SPOCK1: variants seen among roughly 807,000 people sequenced by gnomAD.
SPOCK1 encodes SPARC (osteonectin), cwcv and kazal like domains proteoglycan 1.
In SPOCK1, 23 loss-of-function variants were observed where a neutral mutation model predicts 55.3. The observed-to-expected ratio is 0.42, with a 90% CI of 0.30 to 0.59. SPOCK1 has a LOEUF of 0.59. SPOCK1 is among the 20% of genes least tolerant of loss of function. The pLI is 0.22. For synonymous variants in SPOCK1, 226 were observed against 221.0 expected (o/e 1.02, Z -0.20); for missense variants, 499 against 552.5 (o/e 0.90, Z 0.97).
chr5:137,381,635 C>T (rs1751468560), intron 2 of SPOCK1, among the ~76,000 whole-genome samples: 1 of 152,218 alleles, frequency 6.6e-6, no homozygotes, highest in Non-Finnish European at 1.5e-5. Context: ...CTGAGCTGTA[C>T]CTTGGTCCCT....
chr5:137,256,754 C>T (rs925604058), intron 3 of SPOCK1, among the ~76,000 whole-genome samples: 3 of 152,140 alleles, frequency 2.0e-5, no homozygotes, highest in African/African-American at 7.2e-5. Context: ...GCACTGCCTC[C>T]ACCCCAAGGG....
chr5:137,198,391 T>C (rs1183535893), intron 3 of SPOCK1, among the ~76,000 whole-genome samples: 1 of 152,248 alleles, frequency 6.6e-6, no homozygotes, highest in Admixed American at 6.5e-5. Flanking sequence ...CTTTCCAGAA[T>C]TTATACCTCC....
At chr5:136,981,039 A>G (rs1399697749) in intron 9 of SPOCK1, among the ~76,000 whole-genome samples, 3 of 152,178 alleles carry the variant, frequency 2.0e-5, no homozygotes, top group Admixed American at 6.5e-5. Context: ...ATTGACTTAT[A>G]GCAGTGGTTC....
At chr5:137,448,771 T>C (rs1347575369) in intron 2 of SPOCK1, among the ~76,000 whole-genome samples, 1 of 152,228 alleles carries the variant, frequency 6.6e-6, no homozygotes, top group Non-Finnish European at 1.5e-5. Flanking sequence ...CTCCGTTGTT[T>C]CATCTTTCTC....
chr5:137,233,713 CTTTT>C (rs56328555), intron 3 of SPOCK1, among the ~76,000 whole-genome samples: 1 of 58,410 alleles, frequency 1.7e-5, no homozygotes, highest in Non-Finnish European at 2.9e-5. Flanking sequence ...AGGATATGCA[CTTTT>C]TTTTTTTTTT....
At chr5:137,423,524 G>C (rs963171556) in intron 2 of SPOCK1, among the ~76,000 whole-genome samples, 3 of 152,186 alleles carry the variant, frequency 2.0e-5, no homozygotes, top group Non-Finnish European at 4.4e-5. Flanking sequence ...CTTGCAGTTT[G>C]ATCTCAGACT....
intron 4 of SPOCK1, among the ~76,000 whole-genome samples, chr5:137,115,171 G>A (rs995134956): frequency 2.0e-5 from 3 of 152,164 alleles, no homozygotes; most frequent in African/African-American, 7.2e-5. Flanking sequence ...TATCCCTGTA[G>A]GGTGGCGGGG....
chr5:137,035,608 A>T (rs1435134348), intron 6 of SPOCK1, among the ~76,000 whole-genome samples: 1 of 152,108 alleles, frequency 6.6e-6, no homozygotes, highest in Admixed American at 6.5e-5. Flanking sequence ...TGGGGCTTCC[A>T]GTCTGAGACT....
chr5:137,464,091 G>A (rs1373007794), intron 2 of SPOCK1, among the ~76,000 whole-genome samples: 1 of 152,190 alleles, frequency 6.6e-6, no homozygotes, highest in Admixed American at 6.5e-5. Context: ...TTGATCCCAG[G>A]AGTTTAAGAC....
chr5:137,271,132 G>C (rs1025413494), intron 2 of SPOCK1, among the ~76,000 whole-genome samples: 4 of 152,006 alleles, frequency 2.6e-5, no homozygotes, highest in African/African-American at 9.7e-5. Context: ...GGAAGAAACA[G>C]AGACTGGTAG....
At chr5:137,290,210 G>A (rs901081488) in intron 2 of SPOCK1, among the ~76,000 whole-genome samples, 10 of 152,020 alleles carry the variant, frequency 6.6e-5, no homozygotes, top group Admixed American at 2.0e-4. Context: ...ATATCCACCA[G>A]GAATATTAAT....
chr5:137,013,540 C>G (rs1303569485), intron 6 of SPOCK1, among the ~76,000 whole-genome samples: 2 of 152,138 alleles, frequency 1.3e-5, no homozygotes, highest in African/African-American at 4.8e-5. Flanking sequence ...CTGAGGAACC[C>G]AGTCTGGGAA....
chr5:137,035,178 T>G (rs115399259), intron 6 of SPOCK1, among the ~76,000 whole-genome samples: 1,600 of 152,308 alleles, frequency 0.011, 9 homozygotes, highest in Middle Eastern at 0.071. Flanking sequence ...CTGTGCTGCT[T>G]CTTTTTTCTC....
chr5:137,263,950 G>A lies in SPOCK1; in HGVS notation c.232+3060C>T, dbSNP rs1376658668. ...AGTCAATTACATGATGATAGCACTC[G>A]CTCCATGAAGCCCTGTTGTTCAAAG... On this transcript the variant is annotated intron_variant, in intron 3 of 10. Transcript: ENST00000394945. 2.6e-5 allele frequency among the ~76,000 whole-genome samples: 4 copies of A among 152,194 alleles called. No individual in the cohort carries two copies. In the East Asian group the frequency reaches 5.8e-4, roughly 22 times the overall value.
intron 4 of SPOCK1, among the ~76,000 whole-genome samples, chr5:137,135,864 C>G (rs1262289753): frequency 6.6e-6 from 1 of 152,172 alleles, no homozygotes; most frequent in Non-Finnish European, 1.5e-5. Flanking sequence ...ATGAGATAGA[C>G]CACAATCTGT....
intron 2 of SPOCK1, among the ~76,000 whole-genome samples, chr5:137,410,470 G>C (rs1023477294): frequency 3.9e-5 from 6 of 152,350 alleles, no homozygotes; most frequent in Middle Eastern, 3.4e-3. Context: ...GCCAGGGAAA[G>C]GCTGTTTGTT....
intron 2 of SPOCK1, among the ~76,000 whole-genome samples, chr5:137,301,276 C>A (rs1757583363): frequency 1.3e-5 from 2 of 152,186 alleles, no homozygotes; most frequent in South Asian, 4.1e-4. Flanking sequence ...GAGCAGATCC[C>A]AGTAGATGCC....
intron 3 of SPOCK1, among the ~76,000 whole-genome samples, chr5:137,237,170 T>C (rs2127097750): frequency 6.6e-6 from 1 of 152,332 alleles, no homozygotes; most frequent in Admixed American, 6.5e-5. Flanking sequence ...TAATTGCCTT[T>C]CAGGTTAAGT....
At chr5:137,228,239 C>T (rs944248182) in intron 3 of SPOCK1, among the ~76,000 whole-genome samples, 1 of 152,220 alleles carries the variant, frequency 6.6e-6, no homozygotes. Flanking sequence ...AAAGATGGCT[C>T]CCAGGCCACA....
Sources: gnomAD v4.1 joint callset for allele counts (sites outside exome capture counted in the v4.1 genomes callset) on GRCh38, gnomAD v4.1.1 for gene constraint, MANE v1.5 for transcripts, NCBI Gene and HGNC (gene_info 2026-07-23, HGNC 2026-07-21) for gene names.